ASB4: variants seen among roughly 807,000 people sequenced by gnomAD.
ASB4 encodes the protein ankyrin repeat and SOCS box protein 4.
In ASB4, 35 loss-of-function variants were observed where a neutral mutation model predicts 38.6. The observed-to-expected ratio is 0.91, with a 90% CI of 0.69 to 1.20. The LOEUF (loss-of-function observed/expected upper bound fraction) is 1.20, where lower values mean the gene tolerates loss of function less well. Ranked by LOEUF, ASB4 falls within the 50% of genes most tolerant of loss-of-function variation. ASB4 has a pLI of 0.00. For synonymous variants in ASB4, 195 were observed against 201.3 expected (o/e 0.97, Z 0.26); for missense variants, 557 against 527.2 (o/e 1.06, Z -0.55).
At chr7:95,499,774 A>G (rs1197320876) in intron 2 of ASB4, among the ~76,000 whole-genome samples, 3 of 152,166 alleles carry the variant, frequency 2.0e-5, no homozygotes, top group Non-Finnish European at 4.4e-5. Flanking sequence ...ATTCATAGAA[A>G]GAAAACAGCT....
At chr7:95,513,448 G>A (rs148446938) in intron 2 of ASB4, among the ~76,000 whole-genome samples, 1,973 of 151,974 alleles carry the variant, frequency 0.013, 57 homozygotes, top group Admixed American at 0.055. Flanking sequence ...AATAGATACA[G>A]TCTGTTGCCA....
chr7:95,526,428 G>A (rs1790737632), intron 2 of ASB4, among the ~76,000 whole-genome samples: 1 of 151,938 alleles, frequency 6.6e-6, no homozygotes, highest in East Asian at 1.9e-4. Flanking sequence ...CTGCTGTGCT[G>A]CCGGTTGCAA....
Position 95,502,062 on chromosome 7 carries a change from A to C in ASB4, c.487+6005A>C, listed in dbSNP as rs532562902. On this transcript the variant is annotated intron_variant, in intron 2 of 4. Transcript: ENST00000325885. Reference sequence around the variant, plus strand: ...TTTGAGACTATATGACAAAGGGCTTACTATACGCAGAAGTTTTTCAATTAA... The same window carrying C: ...TTTGAGACTATATGACAAAGGGCTTCCTATACGCAGAAGTTTTTCAATTAA... Among the ~76,000 whole-genome samples, 21 of 152,124 alleles carry C rather than the reference A, an allele frequency of 1.4e-4. No homozygotes were observed. The East Asian group carries it at 4.1e-3, about 29-fold the overall frequency.
At chr7:95,511,941 T>A (rs969667640) in intron 2 of ASB4, among the ~76,000 whole-genome samples, 1 of 152,206 alleles carries the variant, frequency 6.6e-6, no homozygotes. Context: ...GTCTCGGGAC[T>A]GCCTTGGGTG....
intron 1 of ASB4, among the ~76,000 whole-genome samples, chr7:95,495,080 AC>A (rs1790224825): frequency 6.6e-6 from 1 of 152,196 alleles, no homozygotes; most frequent in South Asian, 2.1e-4. Context: ...CTTACTTTTG[AC>A]ATTTTTATTT....
At chr7:95,541,344 T>A (rs1790967854), downstream of ASB4, among the ~76,000 whole-genome samples, 1 of 152,224 alleles carries the variant, frequency 6.6e-6, no homozygotes, top group African/African-American at 2.4e-5. Flanking sequence ...AGCATTTTAT[T>A]GGTATTAATG....
intron 2 of ASB4, among the ~76,000 whole-genome samples, chr7:95,508,625 C>T (rs1033473079): frequency 5.9e-5 from 9 of 152,094 alleles, no homozygotes; most frequent in African/African-American, 2.2e-4. Context: ...TCACACAGCA[C>T]TCAGCTGCTT....
intron 2 of ASB4, among the ~76,000 whole-genome samples, chr7:95,517,664 G>T (rs1234382333): frequency 1.3e-5 from 2 of 152,098 alleles, no homozygotes; most frequent in Non-Finnish European, 1.5e-5. Flanking sequence ...GAGAGGTGTG[G>T]TAACTGGAAG....
At chr7:95,486,334 T>C (rs924716801) in intron 1 of ASB4, among the ~76,000 whole-genome samples, 176 bp downstream of exon 1, 3 of 152,336 alleles carry the variant, frequency 2.0e-5, no homozygotes, top group African/African-American at 7.2e-5. Context: ...TGGGCTGATA[T>C]ATATGTATAA....
intron 2 of ASB4, among the ~76,000 whole-genome samples, chr7:95,516,305 T>TGCAAAG (rs1358374608): frequency 2.6e-5 from 4 of 152,204 alleles, no homozygotes; most frequent in African/African-American, 9.6e-5. Context: ...TTATTCAGTC[T>TGCAAAG]TATCTATGGT....
At chr7:95,490,907 T>C (rs1279959916) in intron 1 of ASB4, among the ~76,000 whole-genome samples, 1 of 152,266 alleles carries the variant, frequency 6.6e-6, no homozygotes. Context: ...CTACAAGTGA[T>C]ATCAGTTTGG....
At chr7:95,534,735 T>C (rs1301478827) in intron 3 of ASB4, among the ~76,000 whole-genome samples, 1 of 152,244 alleles carries the variant, frequency 6.6e-6, no homozygotes, top group Non-Finnish European at 1.5e-5. Flanking sequence ...TGAAATTATT[T>C]GTGTCTTTTC....
intron 2 of ASB4, among the ~76,000 whole-genome samples, chr7:95,508,346 G>A (rs1790438203): frequency 6.6e-6 from 1 of 152,148 alleles, no homozygotes; most frequent in South Asian, 2.1e-4. Context: ...CATTTTTTAT[G>A]TAAAGTAAGA....
Position 95,528,695 on chromosome 7 carries a change from T to C in ASB4, c.978+392T>C, listed in dbSNP as rs1250740595. 4 of 1,078,164 alleles carry C rather than the reference T, an allele frequency of 3.7e-6. No individual in the cohort carries two copies. The African/African-American group carries it at 6.6e-5, about 18-fold the overall frequency. 66.8% of individuals were successfully genotyped at this position (1,078,164 alleles called of 1,614,324 possible). A position where few individuals can be genotyped will look rare whatever the true frequency, so the allele number is the denominator to read the frequency against. ...CTCAGCCTGCTTTGAAATTAGCTTG[T>C]AGCCATGAAAGGGCCACCCGATTTT... On this transcript the variant is annotated intron_variant, in intron 3 of 4. Coordinates refer to ENST00000325885, the MANE Select transcript of ASB4 (RefSeq NM_016116.3).
intron 3 of ASB4, 91 bp from the exon 4 acceptor site, chr7:95,536,346 A>T: frequency 1.3e-6 from 1 of 767,298 alleles, no homozygotes; most frequent in Non-Finnish European, 2.2e-6. Context: ...TACCATGCCC[A>T]CTGGTCTGTG....
In ASB4 at chr7:95,495,642, A is replaced by AC. The variant is rs1270384571; in HGVS notation, c.188-112dup. On this transcript the variant is annotated intron_variant, in intron 1 of 4. Coordinates refer to ENST00000325885, the MANE Select transcript of ASB4 (RefSeq NM_016116.3). ...TTAAAACCTCTGTCATCCCCTCTCC[A>AC]CCCCACTTTTATAAATGTGGCCAAA... The AC allele has an allele frequency of 3.9e-5, 41 of 1,038,508 alleles. No homozygotes were observed. In the East Asian group the frequency reaches 1.0e-3, roughly 26 times the overall value. 64.3% of individuals were successfully genotyped at this position (1,038,508 alleles called of 1,614,324 possible).
upstream of ASB4, among the ~76,000 whole-genome samples, chr7:95,484,608 G>C (rs555405596): frequency 6.6e-6 from 1 of 152,202 alleles, no homozygotes; most frequent in Admixed American, 6.5e-5. Flanking sequence ...ACATGCTTAA[G>C]TAAATTCTAA....
At chr7:95,531,004 T>G (rs1456273054) in intron 3 of ASB4, among the ~76,000 whole-genome samples, 3 of 152,180 alleles carry the variant, frequency 2.0e-5, no homozygotes, top group African/African-American at 7.2e-5. Context: ...GGGCCTCAGT[T>G]TCTTCCCCTG....
At chr7:95,489,357 C>T (rs1256655188) in intron 1 of ASB4, among the ~76,000 whole-genome samples, 2 of 152,216 alleles carry the variant, frequency 1.3e-5, no homozygotes, top group African/African-American at 2.4e-5. Context: ...TGAATAGCTT[C>T]TCTTACCAAT....
Sources: allele counts gnomAD v4.1 joint callset (sites outside exome capture counted in the v4.1 genomes callset), GRCh38; gene constraint gnomAD v4.1.1; transcripts MANE v1.5; gene names NCBI Gene and HGNC (gene_info 2026-07-23, HGNC 2026-07-21).